EBF2: variants seen among roughly 807,000 people sequenced by gnomAD.
EBF2 encodes the protein transcription factor COE2.
EBF2 carries 21 observed loss-of-function variants against 72.8 expected under a neutral mutation model. The ratio of observed to expected loss-of-function variants is 0.29; its 90% CI spans 0.20 to 0.42. The LOEUF (loss-of-function observed/expected upper bound fraction) is 0.42, where lower values mean the gene tolerates loss of function less well. EBF2 is among the 10% of genes least tolerant of loss of function. The pLI is 1.00. For missense variants in EBF2, 637 were observed against 731.2 expected (o/e 0.87, Z 1.49); for synonymous variants, 299 against 274.2 (o/e 1.09, Z -0.89).
intron 10 of EBF2, among the ~76,000 whole-genome samples, chr8:25,863,126 CTT>C (rs1802240695): frequency 6.6e-6 from 1 of 151,546 alleles, no homozygotes; most frequent in African/African-American, 2.4e-5. Context: ...TATTATTTTC[CTT>C]TCTCTTATCT....
At chr8:25,870,534 T>C (rs1026687237) in intron 10 of EBF2, among the ~76,000 whole-genome samples, 1 of 152,182 alleles carries the variant, frequency 6.6e-6, no homozygotes, top group African/African-American at 2.4e-5. Context: ...TCCTTCCTGC[T>C]GCTCAGAGAG....
chr8:25,905,786 A>C (rs1251143623), intron 7 of EBF2, among the ~76,000 whole-genome samples: 1 of 152,184 alleles, frequency 6.6e-6, no homozygotes, highest in Non-Finnish European at 1.5e-5. Flanking sequence ...ACTAAAAACC[A>C]CTGGACCCTG....
At chr8:26,038,020 T>C (rs1001463403) in intron 5 of EBF2, among the ~76,000 whole-genome samples, 1 of 152,204 alleles carries the variant, frequency 6.6e-6, no homozygotes, top group African/African-American at 2.4e-5. Context: ...CTGATTCATC[T>C]CTCAATCATT....
At chr8:25,865,299 A>AT (rs1396373740) in intron 10 of EBF2, among the ~76,000 whole-genome samples, 2 of 151,908 alleles carry the variant, frequency 1.3e-5, no homozygotes, top group African/African-American at 2.4e-5. Flanking sequence ...TACCATTTTA[A>AT]TTTTTTGGTA....
intron 10 of EBF2, among the ~76,000 whole-genome samples, chr8:25,871,697 A>T (rs2117273993): frequency 6.6e-6 from 1 of 152,278 alleles, no homozygotes; most frequent in African/African-American, 2.4e-5. Context: ...GTTTAATAAT[A>T]CACATTTCAA....
intron 7 of EBF2, among the ~76,000 whole-genome samples, chr8:25,903,176 A>ATTTTGTG (rs1184299406): frequency 2.8e-5 from 4 of 144,620 alleles, no homozygotes; most frequent in African/African-American, 1.1e-4. Flanking sequence ...TCCTCATGAC[A>ATTTTGTG]TTTTGTCTGG....
rs1441958669 is a variant in EBF2, at chr8:25,908,540, A to C, written c.567T>G (p.Phe189Leu). Reference sequence around the variant, plus strand: ...AACAATTCTGATTGCACTTGAGGAAAAATTTTAAAAAGAATCTGTGAAGAG... The same window carrying C: ...AACAATTCTGATTGCACTTGAGGAACAATTTTAAAAAGAATCTGTGAAGAG... ...PVIIDRFFLKFFLKCNQNCLK... is the reference protein window; with the variant it reads ...PVIIDRFFLKLFLKCNQNCLK... Residue 189 changes from phenylalanine to leucine, a missense_variant, in exon 7 of 16, where the codon TTT becomes TTG. By Grantham distance (22) the Phe-to-Leu change is conservative. Transcript: ENST00000520164. 1 of 1,611,188 alleles carries C rather than the reference A, an allele frequency of 6.2e-7. No individual in the cohort carries two copies. Among genetic ancestry groups the C allele is most frequent in the African/African-American group, 1.3e-5 (1 of 74,834 alleles).
At chr8:26,039,153 G>A (rs537482349) in intron 5 of EBF2, among the ~76,000 whole-genome samples, 42 of 152,044 alleles carry the variant, frequency 2.8e-4, no homozygotes, top group African/African-American at 9.9e-4. Context: ...AACCGATACC[G>A]GGCACACGTT....
chr8:25,908,476 G>T lies in EBF2; in HGVS notation c.631C>A (p.Gln211Lys). 6.2e-7 allele frequency: 1 copy of T among 1,612,080 alleles called. No homozygotes were observed. The highest frequency in any genetic ancestry group is 1.1e-5 in the South Asian group (1 of 90,904). The change falls in exon 7 of 16, where the codon CAG becomes AAG. Residue 211 changes from glutamine (Q) to lysine (K), a missense_variant and splice_region_variant. Transcript: ENST00000520164. ...AGNPRDMRRF[Q>K]VVLSTTVNVD... is the part of the protein sequence containing the mutation. ...GAAAGATCTGCAGGGCCCCTTACCT[G>T]AAACCGTCTCATGTCCCTTGGGTTT...
intron 5 of EBF2, among the ~76,000 whole-genome samples, chr8:26,038,947 G>A (rs1464682081): frequency 6.6e-6 from 1 of 152,232 alleles, no homozygotes; most frequent in East Asian, 1.9e-4. Flanking sequence ...AAGCTAGTAA[G>A]TCTGGAGTTA....
At chr8:25,917,668 C>T (rs541770846) in intron 6 of EBF2, among the ~76,000 whole-genome samples, 2 of 152,282 alleles carry the variant, frequency 1.3e-5, no homozygotes, top group African/African-American at 4.8e-5. Flanking sequence ...CCATGACTCT[C>T]GGGTGAAGGA....
chr8:25,915,901 T>A (rs1302585092), intron 6 of EBF2, among the ~76,000 whole-genome samples: 3 of 152,146 alleles, frequency 2.0e-5, no homozygotes, highest in Non-Finnish European at 2.9e-5. Context: ...GGGGTGTCCA[T>A]ACCAAGCCCA....
chr8:25,931,651 G>T (rs545462350), intron 6 of EBF2, among the ~76,000 whole-genome samples: 9 of 152,244 alleles, frequency 5.9e-5, no homozygotes, highest in African/African-American at 1.9e-4. Context: ...TCAAGTAGCA[G>T]CACTTAATAA....
intron 14 of EBF2, among the ~76,000 whole-genome samples, chr8:25,856,020 G>A (rs1802082455): frequency 6.6e-6 from 1 of 152,108 alleles, no homozygotes; most frequent in South Asian, 2.1e-4. Flanking sequence ...AGTGGGTTTG[G>A]GTGATCATGA....
chr8:25,844,883 C>T (rs1299504259), intron 15 of EBF2, among the ~76,000 whole-genome samples: 1 of 152,034 alleles, frequency 6.6e-6, no homozygotes, highest in African/African-American at 2.4e-5. Flanking sequence ...GCCTGGGAGG[C>T]CAGGAGTTAT....
intron 6 of EBF2, among the ~76,000 whole-genome samples, chr8:25,911,432 G>A (rs1803129587): frequency 6.6e-6 from 1 of 152,152 alleles, no homozygotes; most frequent in African/African-American, 2.4e-5. Context: ...ATCGGAAAGA[G>A]GAGTCAACAT....
intron 9 of EBF2, 72 bp from the exon 10 acceptor site, chr8:25,886,953 C>T (rs1273254251): frequency 8.5e-6 from 13 of 1,527,874 alleles, no homozygotes; most frequent in East Asian, 2.3e-5. Flanking sequence ...AGGTGTACAA[C>T]ATCTCCCACT....
intron 15 of EBF2, among the ~76,000 whole-genome samples, chr8:25,847,491 G>A (rs1308489671): frequency 1.3e-5 from 2 of 152,214 alleles, no homozygotes; most frequent in African/African-American, 4.8e-5. Context: ...AAACGAGGAA[G>A]AGCATAAGGT....
At chr8:26,043,247 A>G (rs1805637958) in intron 1 of EBF2, among the ~76,000 whole-genome samples, 1 of 152,212 alleles carries the variant, frequency 6.6e-6, no homozygotes. Context: ...GAACGCACAG[A>G]TTGCGGGAGC....
Sources: gnomAD v4.1 joint callset for allele counts (sites outside exome capture counted in the v4.1 genomes callset) on GRCh38, gnomAD v4.1.1 for gene constraint, MANE v1.5 for transcripts, NCBI Gene and HGNC (gene_info 2026-07-23, HGNC 2026-07-21) for gene names.